Variants in CIMIP4 observed in about 807,000 individuals in gnomAD.
CIMIP4 encodes ciliary microtubule inner protein 4, also known as protein EAN57.
chr22:37,007,308 G>A, the CIMIP4 span, among the ~76,000 whole-genome samples: 5 of 152,180 alleles, frequency 3.3e-5, no homozygotes, highest in South Asian at 2.1e-4. Context: ...TAAGGTGTTC[G>A]GAGACACTAC....
At chr22:36,991,465 G>C in the CIMIP4 span, 4 of 1,612,050 alleles carry the variant, frequency 2.5e-6, no homozygotes, top group Non-Finnish European at 3.4e-6. Context: ...CCCATCACCC[G>C]CAGCTCCTCA....
the CIMIP4 span, chr22:37,000,045 T>G: frequency 6.4e-7 from 1 of 1,551,784 alleles, no homozygotes; most frequent in Non-Finnish European, 8.7e-7. Context: ...GCCCCATATC[T>G]CCCTCCAACT....
chr22:37,007,662 T>C, the CIMIP4 span: 1 of 152,192 alleles, frequency 6.6e-6, no homozygotes, highest in African/African-American at 2.4e-5. Flanking sequence ...CAACTCTGAA[T>C]GGGGAGAAGG....
chr22:37,004,107 G>A, the CIMIP4 span: 10 of 1,317,962 alleles, frequency 7.6e-6, no homozygotes, highest in Non-Finnish European at 1.0e-5. Flanking sequence ...AGCTGAACAG[G>A]AAGGCCTGTG....
the CIMIP4 span, chr22:36,991,180 T>C: frequency 6.2e-7 from 1 of 1,613,986 alleles, no homozygotes; most frequent in South Asian, 1.1e-5. Flanking sequence ...GTGTCAAAAC[T>C]AGTACTTGGA....
the CIMIP4 span, among the ~76,000 whole-genome samples, chr22:37,005,073 C>T: frequency 6.6e-6 from 1 of 152,158 alleles, no homozygotes; most frequent in African/African-American, 2.4e-5. Flanking sequence ...TTTTGAGCTG[C>T]CCTGTGGAGC....
chr22:37,006,387 G>A, the CIMIP4 span, among the ~76,000 whole-genome samples: 14 of 152,198 alleles, frequency 9.2e-5, no homozygotes, highest in African/African-American at 1.4e-4. Flanking sequence ...TTTCAAAACC[G>A]CTATGGAACA....
the CIMIP4 span, among the ~76,000 whole-genome samples, chr22:36,999,135 G>A: frequency 6.6e-6 from 1 of 151,818 alleles, no homozygotes; most frequent in African/African-American, 2.4e-5. Context: ...AGTTCTACTG[G>A]GTCCTGGGCC....
chr22:37,001,818 C>A, the CIMIP4 span: 1 of 1,535,332 alleles, frequency 6.5e-7, no homozygotes, highest in Non-Finnish European at 8.8e-7. Flanking sequence ...CATCACCCTC[C>A]TGGCCCCTGC....
At chr22:37,004,012 T>C in the CIMIP4 span, 1 of 1,548,008 alleles carries the variant, frequency 6.5e-7, no homozygotes, top group Admixed American at 2.0e-5. Flanking sequence ...GGACAGGCAA[T>C]TCCAAGCTTA....
the CIMIP4 span, among the ~76,000 whole-genome samples, chr22:37,006,932 A>G: frequency 6.6e-6 from 1 of 152,192 alleles, no homozygotes; most frequent in Non-Finnish European, 1.5e-5. Flanking sequence ...GACAGAAGCC[A>G]GTTTCCCTGT....
chr22:36,996,041 G>C, the CIMIP4 span, among the ~76,000 whole-genome samples: 1 of 152,152 alleles, frequency 6.6e-6, no homozygotes, highest in Non-Finnish European at 1.5e-5. Context: ...TCTAGCCTCT[G>C]ACTGGCAGGG....
At chr22:37,006,423 A>C in the CIMIP4 span, among the ~76,000 whole-genome samples, 7 of 152,252 alleles carry the variant, frequency 4.6e-5, no homozygotes, top group East Asian at 3.9e-4. Context: ...CATTTTCCTC[A>C]ATTTTGAATA....
chr22:37,001,903 G>A, the CIMIP4 span: 3 of 1,613,012 alleles, frequency 1.9e-6, no homozygotes, highest in South Asian at 3.3e-5. Context: ...TGTTAGGAAT[G>A]ATGCTGCCCT....
the CIMIP4 span, among the ~76,000 whole-genome samples, chr22:37,000,865 C>G: frequency 6.6e-6 from 1 of 152,284 alleles, no homozygotes; most frequent in African/African-American, 2.4e-5. Flanking sequence ...CTGTGACCTT[C>G]CAGACTTGCT....
chr22:37,004,161 G>T, the CIMIP4 span: 4 of 737,634 alleles, frequency 5.4e-6, no homozygotes, highest in South Asian at 2.0e-5. Flanking sequence ...GCTGCCCCTG[G>T]TGCCCTCTGG....
At chr22:36,995,758 C>T in the CIMIP4 span, among the ~76,000 whole-genome samples, 19 of 152,260 alleles carry the variant, frequency 1.2e-4, no homozygotes, top group Middle Eastern at 0.014. Flanking sequence ...CCGTGTAAGA[C>T]GTGCCTTTCA....
the CIMIP4 span, among the ~76,000 whole-genome samples, chr22:36,994,876 CG>C: frequency 5.4e-3 from 817 of 152,104 alleles, 6 homozygotes; most frequent in South Asian, 0.025. Flanking sequence ...ATGATCCACC[CG>C]CCTCGGCCTC....
At chr22:37,001,986 G>A in the CIMIP4 span, 5 of 1,614,014 alleles carry the variant, frequency 3.1e-6, no homozygotes, top group Non-Finnish European at 4.2e-6. Context: ...TGGCATGGCT[G>A]AGCCCCCTCT....
Sources: allele counts gnomAD v4.1 joint callset (sites outside exome capture counted in the v4.1 genomes callset), GRCh38; gene constraint gnomAD v4.1.1; transcripts MANE v1.5; gene names NCBI Gene and HGNC (gene_info 2026-07-23, HGNC 2026-07-21).